The following FSIP2 variants were observed in gnomAD, a reference collection of about 807,000 sequenced individuals.
FSIP2 encodes fibrous sheath interacting protein 2.
A neutral mutation model predicts 510.5 loss-of-function variants in FSIP2; 367 were observed. That is an observed-to-expected ratio of 0.72 (90% CI 0.66 to 0.78). The LOEUF (loss-of-function observed/expected upper bound fraction) is 0.78, where lower values mean the gene tolerates loss of function less well. Ranked by LOEUF, FSIP2 falls within the 30% of genes least tolerant of loss-of-function variation. The pLI, the probability that FSIP2 is intolerant of heterozygous loss-of-function variation, is 0.00. For synonymous variants in FSIP2, 2,601 were observed against 2,732.2 expected, an observed-to-expected ratio of 0.95 and a Z score of 1.50; for missense variants, 7,594 against 7,901.7, an observed-to-expected ratio of 0.96 and a Z score of 1.48.
At chr2:185,814,724 G>C (rs1026383614) in intron 18 of FSIP2, among the ~76,000 whole-genome samples, 3 of 151,974 alleles carry the variant, frequency 2.0e-5, no homozygotes, top group Admixed American at 1.3e-4. Flanking sequence ...TTAGTCAAAA[G>C]ATGGATGAGC....
Position 185,802,306 on chromosome 2 carries a change from A to G in FSIP2, c.13000A>G (p.Met4334Val). The change falls in exon 17 of 23, where the codon ATG becomes GTG. Residue 4334 changes from methionine to valine, a missense_variant. By Grantham distance (21) the Met-to-Val change is conservative. Transcript: ENST00000424728. ...TAACACTGAAATTGAGTTGAAAAAC[A>G]TGACCCAAAGAATAGTAAACTCCAT... ...KHNTEIELKN[M>V]TQRIVNSINR... The G allele has an allele frequency of 1.3e-6, 2 of 1,533,916 alleles. No individual in the cohort carries two copies. Among genetic ancestry groups the G allele is most frequent in the South Asian group, 1.2e-5 (1 of 84,024 alleles).
At chr2:185,816,879 G>T (rs994875331) in intron 19 of FSIP2, among the ~76,000 whole-genome samples, 1 of 127,994 alleles carries the variant, frequency 7.8e-6, no homozygotes, top group Non-Finnish European at 1.7e-5. Flanking sequence ...GAGAGAGAGA[G>T]AAGACGAAAG....
intron 14 of FSIP2, among the ~76,000 whole-genome samples, chr2:185,784,293 A>G (rs1427635585): frequency 1.3e-5 from 2 of 152,140 alleles, no homozygotes; most frequent in Non-Finnish European, 2.9e-5. Flanking sequence ...GGAAGGTATA[A>G]GGAGTAACAG....
rs1307880461 is a variant in FSIP2, at chr2:185,793,973, TAAAGA to T, written c.6842_6846del (p.Glu2281ValfsTer11). ...CATTAATTACCCTTGCTTTCCAAAG[TAAAGA>T]AAAGTCATTTGTTATCCCAGAATTG... On this transcript the variant is annotated frameshift_variant, in exon 16 of 23. Coordinates refer to ENST00000424728, the MANE Select transcript of FSIP2 (RefSeq NM_173651.4). LOFTEE classifies it high-confidence loss of function. 61 of 1,530,820 alleles carry T rather than the reference TAAAGA, an allele frequency of 4.0e-5. No individual in the cohort carries two copies. The highest frequency in any genetic ancestry group is 2.5e-4 in the East Asian group (10 of 40,804). 94.8% of individuals were successfully genotyped at this position (1,530,820 alleles called of 1,614,324 possible).
rs1266448054 is a variant in FSIP2 at position 185,813,617 on chromosome 2, C to A, written c.19900C>A (p.Gln6634Lys). 2.5e-6 allele frequency: 4 copies of A among 1,584,720 alleles called. No individual in the cohort carries two copies. Among genetic ancestry groups the A allele is most frequent in the Non-Finnish European group, 3.4e-6 (4 of 1,165,394 alleles). ...AAAGGTGGAGCTCTTAAAAGATGTT[C>A]AAAGTAAAAATGATCTTATTGTTCG... is the stretch of plus-strand genomic sequence containing the variant. ...ITKVELLKDV[Q>K]SKNDLIVRLV... The change falls in exon 18 of 23, where the codon CAA (glutamine) becomes AAA (lysine). Residue 6634 changes from glutamine to lysine, a missense_variant. Coordinates refer to ENST00000424728, the MANE Select transcript of FSIP2 (RefSeq NM_173651.4).
Position 185,792,973 on chromosome 2 carries a change from T to C in FSIP2, c.5837T>C (p.Phe1946Ser). 2.0e-6 allele frequency: 3 copies of C among 1,534,398 alleles called. No homozygotes were observed. Among genetic ancestry groups the C allele is most frequent in the Non-Finnish European group, 2.6e-6 (3 of 1,145,706 alleles). ...VKSLFYSQVN[F>S]TVPVALPIQQ... ...TCTCTCTTTTATTCTCAAGTCAACT[T>C]TACAGTTCCAGTGGCTTTACCTATT... The change falls in exon 16 of 23, where the codon TTT becomes TCT. Residue 1946 changes from phenylalanine (F) to serine (S), a missense_variant. Physicochemically the swap from Phe to Ser is radical, Grantham distance 155. Transcript: ENST00000424728.
Position 185,804,786 on chromosome 2 carries a change from A to G in FSIP2, c.15480A>G (p.Glu5160=), listed in dbSNP as rs1474497786. ...AGGCAGCTTCAAAATTGACTGATGA[A>G]ATTATAAAAGAAATTTCTGAACATG... ...FVEAASKLTD[E]IIKEISEHEI... Residue 5160 remains glutamate, a synonymous_variant, in exon 17 of 23, where the codon GAA becomes GAG. Coordinates refer to ENST00000424728, the MANE Select transcript of FSIP2 (RefSeq NM_173651.4). The G allele has an allele frequency of 7.8e-6, 12 of 1,532,224 alleles. No homozygotes were observed. The highest frequency in any genetic ancestry group is 1.0e-5 in the Non-Finnish European group (12 of 1,144,748). The allele number at this position is 1,532,224 out of a possible 1,614,324, so 94.9% of individuals were successfully genotyped here. A position where few individuals can be genotyped will look rare whatever the true frequency, so the allele number is the denominator to read the frequency against.
chr2:185,747,476 T>C, intron 7 of FSIP2, 53 bp downstream of exon 7: 1 of 1,054,634 alleles, frequency 9.5e-7, no homozygotes, highest in Non-Finnish European at 1.4e-6. Flanking sequence ...AGATTTTGTT[T>C]TGGTTTTTTG....
upstream of FSIP2, chr2:185,738,494 A>G (rs547870226): frequency 9.4e-7 from 1 of 1,063,978 alleles, no homozygotes; most frequent in East Asian, 2.6e-5. Flanking sequence ...AGAATGGGCA[A>G]AAACAATCAC....
chr2:185,820,622 A>G (rs1181150031), intron 19 of FSIP2, among the ~76,000 whole-genome samples: 2 of 151,712 alleles, frequency 1.3e-5, no homozygotes, highest in Admixed American at 6.6e-5. Context: ...AAGTCTGAAT[A>G]TATACAAAAT....
Position 185,801,061 on chromosome 2 carries a change from C to T in FSIP2, c.11755C>T (p.Pro3919Ser). 1 of 1,532,230 alleles carries T rather than the reference C, an allele frequency of 6.5e-7. No individual in the cohort carries two copies. 94.9% of individuals were successfully genotyped at this position (1,532,230 alleles called of 1,614,324 possible). A position where few individuals can be genotyped will look rare whatever the true frequency, so the allele number is the denominator to read the frequency against. Residue 3919 changes from proline to serine, a missense_variant, in exon 17 of 23, where the codon CCC becomes TCC. Pro to Ser is a moderately conservative substitution (Grantham distance 74). Coordinates refer to ENST00000424728, the MANE Select transcript of FSIP2 (RefSeq NM_173651.4). ...SNSLTVSLNN[P>S]SVVSSKIQAP... Reference sequence around the variant, plus strand: ...TTCTTTGACAGTATCCCTGAATAATCCCAGTGTGGTTAGCTCCAAAATACA... The same window carrying T: ...TTCTTTGACAGTATCCCTGAATAATTCCAGTGTGGTTAGCTCCAAAATACA...
chr2:185,831,532 A>G (rs926196562), intron 21 of FSIP2, among the ~76,000 whole-genome samples: 3 of 151,908 alleles, frequency 2.0e-5, no homozygotes, highest in African/African-American at 7.2e-5. Context: ...GACAGAGCTC[A>G]GATTTTTCAT....
intron 2 of FSIP2, among the ~76,000 whole-genome samples, chr2:185,740,090 A>G (rs915393083): frequency 6.6e-6 from 1 of 152,108 alleles, no homozygotes; most frequent in Admixed American, 6.5e-5. Context: ...AGCTTCTTCA[A>G]GTTGAGTCTT....
chr2:185,801,431 C>T lies in FSIP2; in HGVS notation c.12125C>T (p.Thr4042Ile), dbSNP rs1416728368. The part of the protein sequence containing the change: ...RLCFPPVHTE[T>I]VSKIVDSVYY... ...TGTTTTCCACCAGTTCATACAGAAA[C>T]TGTTAGCAAAATTGTTGACTCAGTT... The change falls in exon 17 of 23, where the codon ACT becomes ATT. Residue 4042 changes from threonine (T) to isoleucine (I), a missense_variant. Physicochemically the swap from Thr to Ile is moderately conservative, Grantham distance 89. Transcript: ENST00000424728. 1.3e-6 allele frequency: 2 copies of T among 1,533,844 alleles called. No individual in the cohort carries two copies. Among genetic ancestry groups the T allele is most frequent in the African/African-American group, 2.7e-5 (2 of 72,864 alleles).
intron 19 of FSIP2, among the ~76,000 whole-genome samples, chr2:185,821,432 G>A (rs551458522): frequency 6.6e-6 from 1 of 152,000 alleles, no homozygotes; most frequent in South Asian, 2.1e-4. Context: ...CACTTCCAAA[G>A]CCATGATGCC....
At chr2:185,782,629 C>A in intron 13 of FSIP2, 76 bp from the exon 14 acceptor site, 1 of 838,652 alleles carries the variant, frequency 1.2e-6, no homozygotes, top group Non-Finnish European at 1.9e-6. Context: ...AAAATAAATA[C>A]CTACTGGAGG....
In FSIP2 at chr2:185,804,667, A is replaced by G; in HGVS notation, c.15361A>G (p.Met5121Val). 2.0e-6 allele frequency: 3 copies of G among 1,532,834 alleles called. No homozygotes were observed. In the Admixed American group the frequency reaches 5.9e-5, roughly 30 times the overall value. 95.0% of individuals were successfully genotyped at this position (1,532,834 alleles called of 1,614,324 possible). A position where few individuals can be genotyped will look rare whatever the true frequency, so the allele number is the denominator to read the frequency against. Residue 5121 changes from methionine (M) to valine (V), a missense_variant, in exon 17 of 23, where the codon ATG becomes GTG. Met to Val is a conservative substitution (Grantham distance 21, BLOSUM62 1). Transcript: ENST00000424728. ...GTTGCCTCATTCTCTTTTAGAAGAT[A>G]TGGTTTACAGGCTTCTAGGGCATGT... ...TVLPHSLLED[M>V]VYRLLGHVFP...
chr2:185,800,732 T>C lies in FSIP2; in HGVS notation c.11426T>C (p.Met3809Thr). The stretch of plus-strand genomic sequence containing the variant: ...AAATCTGATTATCGTAAGGGAGGAA[T>C]GGACTGTGAATGCCTTCAAGTAGAT... The part of the protein sequence containing the change: ...DGKSDYRKGG[M>T]DCECLQVDYM... The change falls in exon 17 of 23, where the codon ATG becomes ACG. Residue 3809 changes from methionine to threonine, a missense_variant. Coordinates refer to ENST00000424728, the MANE Select transcript of FSIP2 (RefSeq NM_173651.4). The C allele has an allele frequency of 1.4e-5, 22 of 1,533,746 alleles. No individual in the cohort carries two copies. Among genetic ancestry groups the C allele is most frequent in the Non-Finnish European group, 1.9e-5 (22 of 1,145,426 alleles).
In FSIP2 at chr2:185,801,894, C is replaced by T; in HGVS notation, c.12588C>T (p.Phe4196=). The T allele has an allele frequency of 1.3e-6, 2 of 1,492,838 alleles. No homozygotes were observed. The highest frequency in any genetic ancestry group is 1.8e-6 in the Non-Finnish European group (2 of 1,118,578). 92.5% of individuals were successfully genotyped at this position (1,492,838 alleles called of 1,614,324 possible). A position where few individuals can be genotyped will look rare whatever the true frequency, so the allele number is the denominator to read the frequency against. ...CCATTTCAAAACATAAAATCTGGTT[C>T]ACTATATATGATAATCAATATCTAT... ...MSAISKHKIW[F]TIYDNQYLYT... The change falls in exon 17 of 23, where the codon TTC becomes TTT. Residue 4196 remains phenylalanine, a synonymous_variant. Transcript: ENST00000424728.
Sources: allele counts gnomAD v4.1 joint callset (sites outside exome capture counted in the v4.1 genomes callset), GRCh38; gene constraint gnomAD v4.1.1; transcripts MANE v1.5; gene names NCBI Gene and HGNC (gene_info 2026-07-23, HGNC 2026-07-21).